ALPK3: variants seen among roughly 807,000 people sequenced by gnomAD.
ALPK3 encodes the protein alpha kinase 3, also known as alpha-protein kinase 3.
ALPK3 carries 102 observed loss-of-function variants against 140.0 expected under a neutral mutation model. The observed-to-expected ratio is 0.73, with a 90% CI of 0.62 to 0.86. The LOEUF (loss-of-function observed/expected upper bound fraction) is 0.86. Among genes scored for constraint, ALPK3 ranks in the 40% least tolerant of loss-of-function variants. The pLI is 0.00. For synonymous variants in ALPK3, 938 were observed against 898.5 expected, an observed-to-expected ratio of 1.04 and a Z score of -0.79; for missense variants, 2,254 against 2,208.2, an observed-to-expected ratio of 1.02 and a Z score of -0.42.
chr15:84,862,911 T>TC lies in ALPK3; in HGVS notation c.4408dup (p.Gln1470ProfsTer31). ...GTGGGCAGAAACTACGACGTCACCA[T>TC]CCAGGTACTATGTCCCATCTTCACA... On this transcript the variant is annotated frameshift_variant, in exon 10 of 14. Transcript: ENST00000258888. LOFTEE classifies it high-confidence loss of function. 6.2e-7 allele frequency: 1 copy of TC among 1,613,158 alleles called. No individual in the cohort carries two copies. The highest frequency in any genetic ancestry group is 8.5e-7 in the Non-Finnish European group (1 of 1,179,326).
In ALPK3 at chr15:84,870,865, C is replaced by G. The variant is rs975874759; in HGVS notation, c.*2409C>G. ...TGGTAGGTAAACCCTGAAGATGCTT[C>G]TAACACACGTGCTGTTCTCCCATCT... On this transcript the variant is annotated 3_prime_UTR_variant, in exon 14 of 14. Coordinates refer to ENST00000258888, the MANE Select transcript of ALPK3 (RefSeq NM_020778.5). 1 of 152,208 alleles carries G rather than the reference C, an allele frequency of 6.6e-6. No individual in the cohort carries two copies. Among genetic ancestry groups the G allele is most frequent in the Non-Finnish European group, 1.5e-5 (1 of 68,034 alleles). The allele number at this position is 152,208 out of a possible 1,614,324, so 9.4% of individuals were successfully genotyped here.
intron 3 of ALPK3, among the ~76,000 whole-genome samples, chr15:84,837,007 A>T (rs1963603500): frequency 6.6e-6 from 1 of 152,176 alleles, no homozygotes; most frequent in South Asian, 2.1e-4. Context: ...GGTGATGCTG[A>T]TGGGTTAGGC....
At chr15:84,841,679 G>C (rs1963669116) in intron 5 of ALPK3, among the ~76,000 whole-genome samples, 1 of 152,190 alleles carries the variant, frequency 6.6e-6, no homozygotes, top group East Asian at 1.9e-4. Flanking sequence ...GTTTTGTGTG[G>C]AGACAGGGGT....
rs771461497 is a variant in ALPK3, at chr15:84,864,670, G to C, written c.4723+5G>C. The C allele has an allele frequency of 6.2e-7, 1 of 1,612,748 alleles. No individual in the cohort carries two copies. The highest frequency in any genetic ancestry group is 8.5e-7 in the Non-Finnish European group (1 of 1,178,762). On this transcript the variant is annotated splice_donor_5th_base_variant and intron_variant, in intron 12 of 13. Transcript: ENST00000258888. ...TCCTTGTCACAGACTTGGCAGGTAC[G>C]AGGGTGTGAGGGTGCACGGGTACGC...
chr15:84,859,651 G>A lies in ALPK3; in HGVS notation c.3966-125G>A, dbSNP rs1008082997. On this transcript the variant is annotated intron_variant, in intron 7 of 13. Transcript: ENST00000258888. ...GACCAGCTCTTGGCCCTGGAATCGCGCTGCTTCCCCAAAGCTCTCAGAGCT... is the reference window on the plus strand; with the variant it reads ...GACCAGCTCTTGGCCCTGGAATCGCACTGCTTCCCCAAAGCTCTCAGAGCT... 4.3e-5 allele frequency: 60 copies of A among 1,407,402 alleles called. No homozygotes were observed. The African/African-American group carries it at 6.1e-4, about 14-fold the overall frequency. 87.2% of individuals were successfully genotyped at this position (1,407,402 alleles called of 1,614,324 possible).
At chr15:84,830,471 C>A (rs1015266270) in intron 3 of ALPK3, among the ~76,000 whole-genome samples, 5 of 152,200 alleles carry the variant, frequency 3.3e-5, no homozygotes, top group African/African-American at 1.2e-4. Context: ...CCTTGCTCTC[C>A]CTTGAGTCCC....
Position 84,840,097 on chromosome 15 carries a change from A to C in ALPK3, c.818A>C (p.Glu273Ala). Residue 273 changes from glutamate to alanine, a missense_variant, in exon 5 of 14, where the codon GAA becomes GCA. Physicochemically the swap from Glu to Ala is moderately radical, Grantham distance 107. Coordinates refer to ENST00000258888, the MANE Select transcript of ALPK3 (RefSeq NM_020778.5). ...CTGATCAACAGTTTTGCTTCTGGAG[A>C]AGTGACCACCAACGGGGAGGCTGCC... ...LGLINSFASGEVTTNGEAAPE... is the reference protein window; with the variant it reads ...LGLINSFASGAVTTNGEAAPE... 6.2e-7 allele frequency: 1 copy of C among 1,614,014 alleles called. No individual in the cohort carries two copies. Among genetic ancestry groups the C allele is most frequent in the Non-Finnish European group, 8.5e-7 (1 of 1,179,976 alleles).
rs997509446 is a variant in ALPK3, at chr15:84,863,420, C to G, written c.4411-132C>G. The stretch of plus-strand genomic sequence containing the variant: ...AGAGTGGGGAGCAGGGAGGAGTAAG[C>G]CCTTCCTCCCCCAGGGCTGGAATCC... On this transcript the variant is annotated intron_variant, in intron 10 of 13. Transcript: ENST00000258888. 3 of 712,064 alleles carry G rather than the reference C, an allele frequency of 4.2e-6. No homozygotes were observed. In the African/African-American group the frequency reaches 5.4e-5, roughly 13 times the overall value. 44.1% of individuals were successfully genotyped at this position (712,064 alleles called of 1,614,324 possible).
intron 5 of ALPK3, among the ~76,000 whole-genome samples, chr15:84,846,004 G>A (rs1758593460): frequency 1.3e-5 from 2 of 152,192 alleles, no homozygotes; most frequent in South Asian, 4.1e-4. Context: ...GGAGGCAGAG[G>A]TTGCAGTGAG....
chr15:84,830,881 A>T (rs2340652), intron 3 of ALPK3, among the ~76,000 whole-genome samples: 1 of 151,008 alleles, frequency 6.6e-6, no homozygotes, highest in Admixed American at 6.6e-5. Context: ...GTGTGTGTGT[A>T]TGTGTGTGTG....
In ALPK3 at chr15:84,871,100, C is replaced by T. The variant is rs1017487388; in HGVS notation, c.*2644C>T. On this transcript the variant is annotated 3_prime_UTR_variant, in exon 14 of 14. Coordinates refer to ENST00000258888, the MANE Select transcript of ALPK3 (RefSeq NM_020778.5). The stretch of plus-strand genomic sequence containing the variant: ...CTGTAGATTAACTGGTAAAATTAAC[C>T]ATATTCAACCAAAATTGTATAACCC... The T allele has an allele frequency of 1.6e-4, 24 of 152,596 alleles. No homozygotes were observed. The highest frequency in any genetic ancestry group is 1.6e-3 in the Admixed American group (24 of 15,270). The allele number at this position is 152,596 out of a possible 1,614,324, so 9.5% of individuals were successfully genotyped here. A position where few individuals can be genotyped will look rare whatever the true frequency, so the allele number is the denominator to read the frequency against.
chr15:84,857,168 G>C lies in ALPK3; in HGVS notation c.2430G>C (p.Val810=). Residue 810 remains valine (V), a synonymous_variant, in exon 6 of 14, where the codon GTG becomes GTC. Coordinates refer to ENST00000258888, the MANE Select transcript of ALPK3 (RefSeq NM_020778.5). Reference sequence around the variant, plus strand: ...CACAGCCGCCCCATGAGGGGAGTGTGGAGCAGGTGGGAGGAGAGAGATGCC... The same window carrying C: ...CACAGCCGCCCCATGAGGGGAGTGTCGAGCAGGTGGGAGGAGAGAGATGCC... ...LPAQPPHEGS[V]EQVGGERCRG... is the part of the protein sequence containing the mutation. 6.2e-7 allele frequency: 1 copy of C among 1,613,908 alleles called. No individual in the cohort carries two copies. Among genetic ancestry groups the C allele is most frequent in the South Asian group, 1.1e-5 (1 of 91,072 alleles).
chr15:84,864,523 G>A lies in ALPK3; in HGVS notation c.4581G>A (p.Leu1527=). The change falls in exon 12 of 14, where the codon CTG becomes CTA. Residue 1527 remains leucine, a synonymous_variant. Transcript: ENST00000258888. ...ATLEEDLGKP[L]ESYCSREWGC... The stretch of plus-strand genomic sequence containing the variant: ...TGGAGGAAGACCTGGGCAAGCCCCT[G>A]GAGTCTTACTGTTCTCGGGAATGGG... 2 of 1,614,192 alleles carry A rather than the reference G, an allele frequency of 1.2e-6. No individual in the cohort carries two copies. The highest frequency in any genetic ancestry group is 2.2e-5 in the East Asian group (1 of 44,884).
At chr15:84,822,829 G>A (rs548250617) in intron 1 of ALPK3, among the ~76,000 whole-genome samples, 12 of 152,330 alleles carry the variant, frequency 7.9e-5, no homozygotes, top group African/African-American at 2.9e-4. Context: ...GGTTTGCCTT[G>A]TGTGGCCTCT....
chr15:84,860,004 G>A (rs1596157105), intron 8 of ALPK3, 33 bp from the exon 9 acceptor site: 1 of 1,614,104 alleles, frequency 6.2e-7, no homozygotes. Flanking sequence ...ACAGCAGCCT[G>A]AAGGCACTGC....
chr15:84,858,384 A>C lies in ALPK3; in HGVS notation c.3646A>C (p.Thr1216Pro). 1 of 1,554,444 alleles carries C rather than the reference A, an allele frequency of 6.4e-7. No individual in the cohort carries two copies. Among genetic ancestry groups the C allele is most frequent in the Non-Finnish European group, 8.7e-7 (1 of 1,150,760 alleles). ...TCCAGGGCGGGAGAGACGCTCCCCT[A>C]CGCAGGGCAGAAAGGCGAGCATGCT... The part of the protein sequence containing the change: ...GTPGRERRSP[T>P]QGRKASMLEV... Residue 1216 changes from threonine (T) to proline (P), a missense_variant, in exon 6 of 14, where the codon ACG becomes CCG. Thr to Pro is a conservative substitution (Grantham distance 38, BLOSUM62 -1). Around this residue, in one of 3 missense-constraint regions of ALPK3, gnomAD observed 2,088 missense variants for 2,022.9 expected, o/e 1.03. Coordinates refer to ENST00000258888, the MANE Select transcript of ALPK3 (RefSeq NM_020778.5).
Position 84,858,451 on chromosome 15 carries a change from T to G in ALPK3, c.3713T>G (p.Leu1238Arg), listed in dbSNP as rs1483321608. 1 of 1,567,638 alleles carries G rather than the reference T, an allele frequency of 6.4e-7. No individual in the cohort carries two copies. Among genetic ancestry groups the G allele is most frequent in the Non-Finnish European group, 8.6e-7 (1 of 1,160,508 alleles). The change falls in exon 6 of 14, where the codon CTG becomes CGG. Residue 1238 changes from leucine to arginine, a missense_variant. Physicochemically the swap from Leu to Arg is moderately radical, Grantham distance 102 (BLOSUM62 -2). Transcript: ENST00000258888. ...GAGGAGGAGCTGGCGGCAGGAGACC[T>G]GGGCCCCAGCCCCAAGGCCGGCGGT... ...RAEEELAAGD[L>R]GPSPKAGGLD...
At position 84,870,862 on chromosome 15, in the gene ALPK3, C is replaced by T. The variant is rs1203270156; in HGVS notation, c.*2406C>T. 1 of 152,188 alleles carries T rather than the reference C, an allele frequency of 6.6e-6. No homozygotes were observed. The highest frequency in any genetic ancestry group is 1.9e-4 in the East Asian group (1 of 5,198). 9.4% of individuals were successfully genotyped at this position (152,188 alleles called of 1,614,324 possible). ...GTTTGGTAGGTAAACCCTGAAGATG[C>T]TTCTAACACACGTGCTGTTCTCCCA... On this transcript the variant is annotated 3_prime_UTR_variant, in exon 14 of 14. Coordinates refer to ENST00000258888, the MANE Select transcript of ALPK3 (RefSeq NM_020778.5).
chr15:84,855,082 G>A (rs753176144), intron 5 of ALPK3, among the ~76,000 whole-genome samples: 1 of 152,202 alleles, frequency 6.6e-6, no homozygotes, highest in Non-Finnish European at 1.5e-5. Flanking sequence ...CTTCAGGAGT[G>A]TAGCTGCCAG....
Sources: allele counts gnomAD v4.1 joint callset (sites outside exome capture counted in the v4.1 genomes callset), GRCh38; gene constraint gnomAD v4.1.1; regional missense constraint gnomAD v4.1.1; transcripts MANE v1.5; gene names NCBI Gene and HGNC (gene_info 2026-07-23, HGNC 2026-07-21).